Variants in TTC27 observed in about 807,000 individuals in gnomAD.
The protein encoded by TTC27 is tetratricopeptide repeat protein 27.
TTC27 carries 79 observed loss-of-function variants against 115.9 expected under a neutral mutation model. That is an observed-to-expected ratio of 0.68 (90% confidence interval 0.57 to 0.82). The LOEUF (loss-of-function observed/expected upper bound fraction) is 0.82, where lower values mean the gene tolerates loss of function less well. Among genes scored for constraint, TTC27 ranks in the 40% least tolerant of loss-of-function variants. The pLI, the probability that TTC27 is intolerant of heterozygous loss-of-function variation, is 0.00. For synonymous variants in TTC27, 401 were observed against 356.0 expected (o/e 1.13, Z -1.42); for missense variants, 1,054 against 993.1 (o/e 1.06, Z -0.82).
intron 1 of TTC27, 107 bp from the exon 2 acceptor site, chr2:32,630,416 T>C: frequency 1.3e-6 from 1 of 786,954 alleles, no homozygotes; most frequent in Non-Finnish European, 2.0e-6. Flanking sequence ...TCTAAGTCTA[T>C]AGATTGTTTT....
At chr2:32,668,905 C>G (rs1034853078) in intron 7 of TTC27, among the ~76,000 whole-genome samples, 1 of 151,826 alleles carries the variant, frequency 6.6e-6, no homozygotes, top group Non-Finnish European at 1.5e-5. Flanking sequence ...CAGTGAAACC[C>G]CGTCTCTACT....
At chr2:32,799,660 CAAAT>C (rs1670854521) in intron 16 of TTC27, among the ~76,000 whole-genome samples, 3 of 151,782 alleles carry the variant, frequency 2.0e-5, no homozygotes, top group Non-Finnish European at 4.4e-5. Context: ...ATATTTGTAA[CAAAT>C]AAGAAAGATA....
At chr2:32,693,451 GA>G (rs1313526565) in intron 9 of TTC27, among the ~76,000 whole-genome samples, 1 of 152,186 alleles carries the variant, frequency 6.6e-6, no homozygotes, top group Non-Finnish European at 1.5e-5. Context: ...ACAAGCTCTT[GA>G]AGTTATTTTT....
At chr2:32,773,314 C>T (rs1382759885) in intron 13 of TTC27, among the ~76,000 whole-genome samples, 1 of 152,202 alleles carries the variant, frequency 6.6e-6, no homozygotes, top group African/African-American at 2.4e-5. Context: ...TCCATTCTTG[C>T]CCCATCCTGT....
intron 10 of TTC27, among the ~76,000 whole-genome samples, chr2:32,710,524 G>T (rs1046507035): frequency 3.4e-5 from 5 of 147,020 alleles, no homozygotes; most frequent in African/African-American, 1.3e-4. Context: ...TGCCCTCCCA[G>T]GTTCAACCAA....
At position 32,681,287 on chromosome 2, in the gene TTC27, T is replaced by TC. The variant is rs554429540; in HGVS notation, c.1119+2369dup. ...CACATACTTTGGGCTTTGCACTGTCTCCCCGACATTTTTTTAATCTCAAAT... is the reference window on the plus strand; with the variant it reads ...CACATACTTTGGGCTTTGCACTGTCTCCCCCGACATTTTTTTAATCTCAAAT... On this transcript the variant is annotated intron_variant, in intron 9 of 19. Coordinates refer to ENST00000317907, the MANE Select transcript of TTC27 (RefSeq NM_017735.5). 2.8e-3 allele frequency among the ~76,000 whole-genome samples: 426 copies of TC among 152,260 alleles called. 1 individual carries two copies. Among genetic ancestry groups the TC allele is most frequent in the African/African-American group, 9.7e-3 (403 of 41,550 alleles).
intron 10 of TTC27, among the ~76,000 whole-genome samples, chr2:32,716,923 G>A (rs902955365): frequency 5.3e-5 from 8 of 151,830 alleles, no homozygotes; most frequent in Non-Finnish European, 7.4e-5. Context: ...CAGACTTCTA[G>A]GCTCAAGCAG....
chr2:32,718,168 A>G (rs1379619652), intron 10 of TTC27, among the ~76,000 whole-genome samples: 1 of 152,172 alleles, frequency 6.6e-6, no homozygotes, highest in East Asian at 1.9e-4. Context: ...TTAATTAATT[A>G]TACTTTTTTC....
rs1486925377 is a variant in TTC27 at position 32,702,874 on chromosome 2, A to T, written c.1187A>T (p.Glu396Val). The T allele has an allele frequency of 6.2e-7, 1 of 1,614,130 alleles. No individual in the cohort carries two copies. Among genetic ancestry groups the T allele is most frequent in the Non-Finnish European group, 8.5e-7 (1 of 1,180,004 alleles). Residue 396 changes from glutamate (E) to valine (V), a missense_variant, in exon 10 of 20, where the codon GAG becomes GTG. By Grantham distance (121) the Glu-to-Val change is moderately radical. Transcript: ENST00000317907. ...GCCTTGATCCTCCGGACAAAACTTG[A>T]GAAAGGAAGTACTCGCCGAGTGGAA... ...TSALILRTKL[E>V]KGSTRRVERA...
intron 5 of TTC27, among the ~76,000 whole-genome samples, chr2:32,660,713 T>C (rs1665515002): frequency 6.6e-6 from 1 of 152,242 alleles, no homozygotes; most frequent in Admixed American, 6.5e-5. Flanking sequence ...TCCCATTCTG[T>C]AGGTTGCCTG....
chr2:32,789,969 C>G (rs554936190), intron 16 of TTC27, among the ~76,000 whole-genome samples: 2 of 145,612 alleles, frequency 1.4e-5, no homozygotes, highest in South Asian at 4.4e-4. Flanking sequence ...AGGAGCCTTC[C>G]CTAAGAAAGA....
At chr2:32,754,914 G>T (rs187476090) in intron 12 of TTC27, among the ~76,000 whole-genome samples, 1 of 151,106 alleles carries the variant, frequency 6.6e-6, no homozygotes, top group African/African-American at 2.4e-5. Context: ...GGTGGCTGCC[G>T]GGCGGGGATG....
chr2:32,756,898 T>C (rs3769573), intron 12 of TTC27, among the ~76,000 whole-genome samples: 91,067 of 151,994 alleles, frequency 0.6, 27,726 homozygotes, highest in African/African-American at 0.7. Context: ...GTGGACATGG[T>C]GGTGGGAGGA....
intron 13 of TTC27, chr2:32,766,673 T>G (rs74372971): frequency 6.3e-6 from 1 of 158,612 alleles, no homozygotes; most frequent in African/African-American, 2.4e-5. Flanking sequence ...AGATTTGAAA[T>G]ATTGTGAGAG....
At chr2:32,634,278 G>C (rs1378000007) in intron 3 of TTC27, among the ~76,000 whole-genome samples, 4 of 151,758 alleles carry the variant, frequency 2.6e-5, no homozygotes, top group African/African-American at 9.7e-5. Context: ...TTAGTTGGTT[G>C]TATCACCTCA....
chr2:32,664,906 C>T (rs1397057888), intron 6 of TTC27, among the ~76,000 whole-genome samples: 2 of 151,658 alleles, frequency 1.3e-5, no homozygotes, highest in East Asian at 1.9e-4. Flanking sequence ...GATCTTGGCT[C>T]ACTGCAACCT....
At chr2:32,731,606 A>C (rs988383531) in intron 10 of TTC27, among the ~76,000 whole-genome samples, 1 of 152,042 alleles carries the variant, frequency 6.6e-6, no homozygotes, top group African/African-American at 2.4e-5. Flanking sequence ...CTTGAACTCC[A>C]GGGCTCAAGT....
chr2:32,769,135 T>A (rs1669738859), intron 13 of TTC27, among the ~76,000 whole-genome samples: 1 of 152,188 alleles, frequency 6.6e-6, no homozygotes, highest in Non-Finnish European at 1.5e-5. Context: ...TAACAGGCAA[T>A]GTCCTGAGCT....
chr2:32,804,299 C>T (rs755492355), intron 16 of TTC27, among the ~76,000 whole-genome samples: 2 of 152,094 alleles, frequency 1.3e-5, no homozygotes, highest in African/African-American at 2.4e-5. Flanking sequence ...TCATTTATCT[C>T]GAGTCTTAAA....
Sources: allele counts gnomAD v4.1 joint callset (sites outside exome capture counted in the v4.1 genomes callset), GRCh38; gene constraint gnomAD v4.1.1; transcripts MANE v1.5; gene names NCBI Gene and HGNC (gene_info 2026-07-23, HGNC 2026-07-21).